The following SLC35F1 variants were observed in gnomAD, a reference collection of about 807,000 sequenced individuals.
SLC35F1 encodes chromosome 6 open reading frame 169.
SLC35F1 carries 14 observed loss-of-function variants against 48.7 expected under a neutral mutation model. The observed-to-expected ratio is 0.29, with a 90% CI of 0.19 to 0.45. SLC35F1 has a LOEUF of 0.45. Among genes scored for constraint, SLC35F1 ranks in the 20% least tolerant of loss-of-function variants. SLC35F1 has a pLI of 1.00. For synonymous variants in SLC35F1, 190 were observed against 202.2 expected, an observed-to-expected ratio of 0.94 and a Z score of 0.51; for missense variants, 404 against 500.0, an observed-to-expected ratio of 0.81 and a Z score of 1.83.
chr6:118,069,721 T>A (rs971686022), intron 1 of SLC35F1, among the ~76,000 whole-genome samples: 1 of 152,226 alleles, frequency 6.6e-6, no homozygotes, highest in African/African-American at 2.4e-5. Flanking sequence ...CAGTTCTGAA[T>A]GATTGAAAAA....
At chr6:118,156,677 A>G (rs946077269) in intron 2 of SLC35F1, among the ~76,000 whole-genome samples, 1 of 151,490 alleles carries the variant, frequency 6.6e-6, no homozygotes, top group Non-Finnish European at 1.5e-5. Flanking sequence ...TAAAAAATAA[A>G]ATAAAATAAA....
chr6:118,135,233 A>G (rs949393650), intron 1 of SLC35F1, among the ~76,000 whole-genome samples: 4 of 152,178 alleles, frequency 2.6e-5, no homozygotes, highest in African/African-American at 9.7e-5. Context: ...CCAAATTTCA[A>G]TTTTGCCTCT....
At chr6:117,971,570 C>A (rs1275294071) in intron 1 of SLC35F1, among the ~76,000 whole-genome samples, 1 of 151,804 alleles carries the variant, frequency 6.6e-6, no homozygotes, top group African/African-American at 2.4e-5. Flanking sequence ...GAGGGGTCCA[C>A]CCCTGCAGTA....
At chr6:118,041,705 C>T (rs1772223828) in intron 1 of SLC35F1, among the ~76,000 whole-genome samples, 1 of 152,040 alleles carries the variant, frequency 6.6e-6, no homozygotes, top group Non-Finnish European at 1.5e-5. Context: ...TCAATAGTAA[C>T]CGCCCTTCAG....
At chr6:117,921,589 C>T (rs1238301246) in intron 1 of SLC35F1, among the ~76,000 whole-genome samples, 2 of 152,150 alleles carry the variant, frequency 1.3e-5, no homozygotes, top group East Asian at 3.9e-4. Flanking sequence ...ATTCACCTTC[C>T]TTAGTGAAAG....
intron 1 of SLC35F1, among the ~76,000 whole-genome samples, chr6:118,119,286 T>G (rs1245383925): frequency 6.6e-6 from 1 of 152,188 alleles, no homozygotes; most frequent in South Asian, 2.1e-4. Context: ...ATGTATATAT[T>G]ATTGGCTAGT....
At chr6:117,914,918 A>T (rs948173707) in intron 1 of SLC35F1, among the ~76,000 whole-genome samples, 1 of 152,156 alleles carries the variant, frequency 6.6e-6, no homozygotes, top group Non-Finnish European at 1.5e-5. Flanking sequence ...TAAAAAAAAA[A>T]GAGGAACAGC....
intron 1 of SLC35F1, among the ~76,000 whole-genome samples, chr6:117,992,929 C>T (rs939114275): frequency 6.6e-6 from 1 of 152,180 alleles, no homozygotes; most frequent in Non-Finnish European, 1.5e-5. Flanking sequence ...CTGGTCAAAT[C>T]ACACCATAAT....
chr6:118,278,337 C>T (rs779139485), intron 6 of SLC35F1, among the ~76,000 whole-genome samples: 8 of 152,186 alleles, frequency 5.3e-5, no homozygotes, highest in Non-Finnish European at 8.8e-5. Flanking sequence ...CAGACTCTTC[C>T]CCACACTGAA....
chr6:118,066,177 T>G (rs1013274641), intron 1 of SLC35F1, among the ~76,000 whole-genome samples: 1 of 152,216 alleles, frequency 6.6e-6, no homozygotes, highest in Admixed American at 6.5e-5. Context: ...TACTTTTTTG[T>G]AACATTGGAA....
At chr6:118,077,603 A>C (rs553426253) in intron 1 of SLC35F1, among the ~76,000 whole-genome samples, 268 of 152,304 alleles carry the variant, frequency 1.8e-3, no homozygotes, top group Non-Finnish European at 2.9e-3. Flanking sequence ...TAAAGTAGTT[A>C]CTCATGTTCA....
intron 4 of SLC35F1, among the ~76,000 whole-genome samples, chr6:118,274,686 C>A (rs1775898159): frequency 6.6e-6 from 1 of 152,204 alleles, no homozygotes; most frequent in Non-Finnish European, 1.5e-5. Context: ...GCGTGTGCCA[C>A]CACGCCCAGC....
intron 1 of SLC35F1, among the ~76,000 whole-genome samples, chr6:117,953,396 A>G (rs918751482): frequency 3.9e-5 from 6 of 152,194 alleles, no homozygotes; most frequent in South Asian, 2.1e-4. Context: ...ACACATATAT[A>G]TCGACATGTA....
At chr6:118,195,857 A>G (rs1012581677) in intron 2 of SLC35F1, among the ~76,000 whole-genome samples, 1 of 152,180 alleles carries the variant, frequency 6.6e-6, no homozygotes, top group Non-Finnish European at 1.5e-5. Flanking sequence ...AGATCAGCGG[A>G]CACAGGTGGG....
chr6:118,179,143 T>C (rs999807704), intron 2 of SLC35F1, among the ~76,000 whole-genome samples: 1 of 152,098 alleles, frequency 6.6e-6, no homozygotes, highest in Non-Finnish European at 1.5e-5. Context: ...CACTTTTGTA[T>C]TCATCAGTGT....
intron 2 of SLC35F1, among the ~76,000 whole-genome samples, chr6:118,159,470 G>A (rs1774195476): frequency 6.6e-6 from 1 of 152,114 alleles, no homozygotes; most frequent in African/African-American, 2.4e-5. Context: ...CTCATACAAA[G>A]TGACTAAGGA....
chr6:118,240,484 C>T (rs945024328), intron 3 of SLC35F1, among the ~76,000 whole-genome samples: 1 of 152,142 alleles, frequency 6.6e-6, no homozygotes, highest in Non-Finnish European at 1.5e-5. Context: ...CTGAATACTT[C>T]GTGTTCAAGA....
intron 1 of SLC35F1, 26 bp from the exon 2 acceptor site, chr6:118,154,419 T>C (rs546678050): frequency 1.9e-6 from 3 of 1,587,528 alleles, no homozygotes; most frequent in African/African-American, 2.7e-5. Context: ...TGACCTTTGC[T>C]GTGTTTTTTT....
chr6:118,078,951 C>T (rs886723333), intron 1 of SLC35F1, among the ~76,000 whole-genome samples: 3 of 152,166 alleles, frequency 2.0e-5, no homozygotes, highest in Non-Finnish European at 4.4e-5. Flanking sequence ...CTGCTGAAGC[C>T]CATCTTTAGA....
Sources: allele counts gnomAD v4.1 joint callset (sites outside exome capture counted in the v4.1 genomes callset), GRCh38; gene constraint gnomAD v4.1.1; transcripts MANE v1.5; gene names NCBI Gene and HGNC (gene_info 2026-07-23, HGNC 2026-07-21).